AGTPBP1: variants seen among roughly 807,000 people sequenced by gnomAD.
The protein encoded by AGTPBP1 is ATP/GTP binding carboxypeptidase 1, also known as cytosolic carboxypeptidase 1.
Under a neutral mutation model 143.9 loss-of-function variants are expected in AGTPBP1, and 70 were observed. That is an observed-to-expected ratio of 0.49 (90% CI 0.40 to 0.59). The LOEUF (loss-of-function observed/expected upper bound fraction) is 0.59. Among genes scored for constraint, AGTPBP1 ranks in the 20% least tolerant of loss-of-function variants. The probability of loss-of-function intolerance (pLI) is 0.00; values close to 1 mark genes in which losing one functional copy is unlikely to be tolerated. For synonymous variants in AGTPBP1, 463 were observed against 500.2 expected, an observed-to-expected ratio of 0.93 and a Z score of 0.99; for missense variants, 1,229 against 1,464.5, an observed-to-expected ratio of 0.84 and a Z score of 2.62.
At chr9:85,695,903 G>T (rs1320456576) in intron 2 of AGTPBP1, among the ~76,000 whole-genome samples, 3 of 151,196 alleles carry the variant, frequency 2.0e-5, no homozygotes, top group Non-Finnish European at 4.4e-5. Context: ...GTACAGTGGC[G>T]CAATCTCGGC....
chr9:85,607,937 T>C (rs1284999310), intron 17 of AGTPBP1, among the ~76,000 whole-genome samples: 1 of 152,238 alleles, frequency 6.6e-6, no homozygotes, highest in East Asian at 1.9e-4. Flanking sequence ...CGTCTAGTAT[T>C]ACAGCTGCGA....
chr9:85,709,138 A>G (rs1377360139), intron 2 of AGTPBP1, among the ~76,000 whole-genome samples: 1 of 152,238 alleles, frequency 6.6e-6, no homozygotes, highest in Non-Finnish European at 1.5e-5. Flanking sequence ...TGACCAAGTA[A>G]GATCAATCAC....
chr9:85,616,143 G>A (rs901258802), intron 17 of AGTPBP1, among the ~76,000 whole-genome samples: 2 of 151,950 alleles, frequency 1.3e-5, no homozygotes, highest in African/African-American at 4.8e-5. Flanking sequence ...ATGTGAAAGT[G>A]ATTATCTCTG....
chr9:85,727,968 C>A (rs2134699189), intron 1 of AGTPBP1, among the ~76,000 whole-genome samples: 1 of 151,588 alleles, frequency 6.6e-6, no homozygotes, highest in South Asian at 2.1e-4. Context: ...TTCAAGGTTG[C>A]AGTGAGCTAT....
chr9:85,761,774 G>C, the AGTPBP1 span, among the ~76,000 whole-genome samples: 4 of 152,304 alleles, frequency 2.6e-5, no homozygotes, highest in South Asian at 8.3e-4. Context: ...ATTGACAAAT[G>C]GGATCTAATT....
intron 6 of AGTPBP1, among the ~76,000 whole-genome samples, chr9:85,675,938 T>A (rs890479942): frequency 1.3e-5 from 2 of 151,974 alleles, no homozygotes; most frequent in African/African-American, 4.8e-5. Flanking sequence ...GGCAGGAGAA[T>A]CACTTGAAAC....
At chr9:85,802,913 G>A in the AGTPBP1 span, among the ~76,000 whole-genome samples, 1 of 152,336 alleles carries the variant, frequency 6.6e-6, no homozygotes, top group East Asian at 1.9e-4. Flanking sequence ...CATAACATCT[G>A]CTCATGTTCT....
intron 25 of AGTPBP1, among the ~76,000 whole-genome samples, chr9:85,557,839 C>T (rs1323144999): frequency 6.6e-6 from 1 of 152,138 alleles, no homozygotes; most frequent in Non-Finnish European, 1.5e-5. Context: ...CTAGTGTTTG[C>T]TAACGGTCTA....
intron 14 of AGTPBP1, among the ~76,000 whole-genome samples, chr9:85,622,981 GT>G (rs989685575): frequency 6.6e-6 from 1 of 152,048 alleles, no homozygotes; most frequent in Non-Finnish European, 1.5e-5. Flanking sequence ...TTTGGTTTTT[GT>G]TTTTTTAGCA....
At chr9:85,583,474 G>A (rs957104542) in intron 23 of AGTPBP1, among the ~76,000 whole-genome samples, 1 of 152,140 alleles carries the variant, frequency 6.6e-6, no homozygotes, top group Non-Finnish European at 1.5e-5. Flanking sequence ...AACTACTGGT[G>A]AGGGGAGGTG....
At chr9:85,698,329 T>C (rs988162224) in intron 2 of AGTPBP1, among the ~76,000 whole-genome samples, 16 of 152,208 alleles carry the variant, frequency 1.1e-4, no homozygotes, top group African/African-American at 3.6e-4. Context: ...GATGGATAGA[T>C]GGGTAAATTT....
the AGTPBP1 span, among the ~76,000 whole-genome samples, chr9:85,800,863 T>A: frequency 6.6e-6 from 1 of 150,764 alleles, no homozygotes. Context: ...ATCCTCACAA[T>A]AACCTCATAA....
intron 12 of AGTPBP1, among the ~76,000 whole-genome samples, chr9:85,645,411 G>T (rs62569172): frequency 0.017 from 2,549 of 152,178 alleles, 25 homozygotes; most frequent in Middle Eastern, 0.054. Flanking sequence ...GATAATTAAG[G>T]GCAATACCTG....
chr9:85,695,348 C>A (rs1166183756), intron 2 of AGTPBP1, among the ~76,000 whole-genome samples: 1 of 151,970 alleles, frequency 6.6e-6, no homozygotes, highest in African/African-American at 2.4e-5. Flanking sequence ...TGTTTGTTAC[C>A]ACAGAAAATA....
At chr9:85,620,945 A>G (rs1830895071) in intron 15 of AGTPBP1, among the ~76,000 whole-genome samples, 1 of 152,246 alleles carries the variant, frequency 6.6e-6, no homozygotes, top group Admixed American at 6.5e-5. Flanking sequence ...CTTTACCTCA[A>G]GCCCATTAAA....
intron 1 of AGTPBP1, among the ~76,000 whole-genome samples, chr9:85,732,584 T>C (rs1293160431): frequency 6.6e-6 from 1 of 152,098 alleles, no homozygotes. Context: ...AAACAGCTAA[T>C]ATGGCATATA....
chr9:85,739,452 T>C (rs1399380027), intron 1 of AGTPBP1, among the ~76,000 whole-genome samples: 3 of 152,162 alleles, frequency 2.0e-5, no homozygotes, highest in Non-Finnish European at 4.4e-5. Context: ...CGGACGCCTG[T>C]AATCCCAGGA....
At chr9:85,719,216 G>A (rs1837937678) in intron 1 of AGTPBP1, among the ~76,000 whole-genome samples, 1 of 152,192 alleles carries the variant, frequency 6.6e-6, no homozygotes, top group Admixed American at 6.5e-5. Context: ...GTCATCGGTA[G>A]CTTGATGGGG....
Position 85,584,707 on chromosome 9 carries a change from T to C in AGTPBP1, c.3165+756A>G, listed in dbSNP as rs540573383. Among the ~76,000 whole-genome samples the C allele has an allele frequency of 2.0e-5, 3 of 152,264 alleles. No individual in the cohort carries two copies. In the South Asian group the frequency reaches 6.2e-4, roughly 32 times the overall value. On this transcript the variant is annotated intron_variant, in intron 23 of 25. Coordinates refer to ENST00000357081, the MANE Select transcript of AGTPBP1 (RefSeq NM_001330701.2). ...AAATCAATAGCTTTCCTATCTACCA[T>C]CAATGATCAACTGGGGGCAGGAAGG...
Sources: allele counts gnomAD v4.1 joint callset (sites outside exome capture counted in the v4.1 genomes callset), GRCh38; gene constraint gnomAD v4.1.1; transcripts MANE v1.5; gene names NCBI Gene and HGNC (gene_info 2026-07-23, HGNC 2026-07-21).